Variants in CORIN observed in about 807,000 individuals in gnomAD.
CORIN encodes corin, serine peptidase, also known as atrial natriuretic peptide-converting enzyme.
A neutral mutation model predicts 125.3 loss-of-function variants in CORIN; 117 were observed. The ratio of observed to expected loss-of-function variants is 0.93; its 90% CI spans 0.80 to 1.09. CORIN has a LOEUF of 1.09. CORIN is among the 50% of genes least tolerant of loss of function. CORIN has a pLI of 0.00. For missense variants in CORIN, 1,253 were observed against 1,306.7 expected (o/e 0.96, Z 0.63); for synonymous variants, 450 against 466.4 (o/e 0.96, Z 0.45).
chr4:47,604,486 A>C (rs1721569651), intron 19 of CORIN, among the ~76,000 whole-genome samples: 5 of 152,066 alleles, frequency 3.3e-5, no homozygotes, highest in Admixed American at 2.0e-4. Context: ...TCTATTTAAC[A>C]CTCTCAGTTG....
chr4:47,728,045 G>A (rs1253614296), intron 5 of CORIN, among the ~76,000 whole-genome samples: 1 of 152,098 alleles, frequency 6.6e-6, no homozygotes, highest in African/African-American at 2.4e-5. Context: ...ATAAACATAT[G>A]GATAGAGCAG....
intron 19 of CORIN, among the ~76,000 whole-genome samples, chr4:47,622,268 G>T (rs1177544687): frequency 6.6e-6 from 1 of 151,664 alleles, no homozygotes; most frequent in African/African-American, 2.4e-5. Flanking sequence ...ATTTGGGTTG[G>T]TTCCAAGTCC....
intron 19 of CORIN, among the ~76,000 whole-genome samples, chr4:47,604,254 A>G (rs915328067): frequency 1.3e-5 from 2 of 152,056 alleles, no homozygotes; most frequent in Non-Finnish European, 2.9e-5. Flanking sequence ...TTCCAATCTC[A>G]TGGACCTTTC....
chr4:47,714,404 T>C (rs943328470), intron 5 of CORIN, among the ~76,000 whole-genome samples: 11 of 152,214 alleles, frequency 7.2e-5, no homozygotes, highest in Admixed American at 7.2e-4. Context: ...TAGAAGAGAC[T>C]GGCAATCAAT....
At chr4:47,635,805 C>A (rs1049584534) in intron 16 of CORIN, among the ~76,000 whole-genome samples, 2 of 152,148 alleles carry the variant, frequency 1.3e-5, no homozygotes, top group East Asian at 1.9e-4. Context: ...GAAAAAGACA[C>A]CTTATCAGAA....
At chr4:47,617,379 A>G (rs1414557723) in intron 19 of CORIN, among the ~76,000 whole-genome samples, 1 of 152,228 alleles carries the variant, frequency 6.6e-6, no homozygotes, top group Non-Finnish European at 1.5e-5. Flanking sequence ...AGTAACCACA[A>G]CAATTTAAAA....
intron 4 of CORIN, among the ~76,000 whole-genome samples, chr4:47,755,315 C>T (rs972019209): frequency 6.6e-6 from 1 of 152,130 alleles, no homozygotes; most frequent in Non-Finnish European, 1.5e-5. Context: ...GTATGCTCCC[C>T]CTTCCATCTC....
intron 17 of CORIN, among the ~76,000 whole-genome samples, chr4:47,625,483 G>A (rs1022962967): frequency 6.6e-6 from 1 of 152,044 alleles, no homozygotes; most frequent in African/African-American, 2.4e-5. Flanking sequence ...CAGGTTTGGG[G>A]AAACAAATCA....
At chr4:47,768,027 ATGGCCTGTTCT>A (rs1176435358) in intron 3 of CORIN, among the ~76,000 whole-genome samples, 2 of 152,178 alleles carry the variant, frequency 1.3e-5, no homozygotes, top group Admixed American at 1.3e-4. Context: ...AGAAGTGAAA[ATGGCCTGTTCT>A]TGCCTTAACT....
chr4:47,783,253 A>G (rs186189042), intron 3 of CORIN, among the ~76,000 whole-genome samples: 2 of 152,252 alleles, frequency 1.3e-5, no homozygotes, highest in East Asian at 1.9e-4. Flanking sequence ...AACCTAAAAA[A>G]AGTCCTTGCT....
At chr4:47,620,704 A>G (rs1193874339) in intron 19 of CORIN, among the ~76,000 whole-genome samples, 1 of 152,256 alleles carries the variant, frequency 6.6e-6, no homozygotes, top group Non-Finnish European at 1.5e-5. Flanking sequence ...TTTTAAAAGA[A>G]AAGTTTACCT....
intron 3 of CORIN, among the ~76,000 whole-genome samples, chr4:47,771,864 G>A (rs1008515663): frequency 1.6e-4 from 25 of 152,308 alleles, no homozygotes; most frequent in African/African-American, 3.8e-4. Context: ...TTAAGCCAAT[G>A]TCTTGCTAAG....
rs746160285 is a variant in CORIN, at chr4:47,623,599, C to A, written c.2512G>T (p.Val838Phe). The change falls in exon 19 of 22, where the codon GTT becomes TTT. Residue 838 changes from valine (V) to phenylalanine (F), a missense_variant. Val to Phe is a conservative substitution (Grantham distance 50). Coordinates refer to ENST00000273857, the MANE Select transcript of CORIN (RefSeq NM_006587.4). ...CGCVLIAKKW[V>F]LTVAHCFEGR... is the part of the protein sequence containing the mutation. ...TCGAAGCAGTGGGCAACTGTCAGAA[C>A]CCACTTCTTGGCAATGAGGACACAG... 6.2e-7 allele frequency: 1 copy of A among 1,614,050 alleles called. No individual in the cohort carries two copies. Among genetic ancestry groups the A allele is most frequent in the African/African-American group, 1.3e-5 (1 of 74,914 alleles).
At chr4:47,805,352 T>G (rs28483743) in intron 2 of CORIN, among the ~76,000 whole-genome samples, 11,051 of 151,968 alleles carry the variant, frequency 0.073, 1,377 homozygotes, top group African/African-American at 0.25. Context: ...CACAAACATT[T>G]TTTTTAAAAA....
At chr4:47,652,070 C>A (rs1234010316) in intron 13 of CORIN, among the ~76,000 whole-genome samples, 2 of 152,148 alleles carry the variant, frequency 1.3e-5, no homozygotes, top group Non-Finnish European at 2.9e-5. Context: ...AGTCATAGTT[C>A]AGTGAACAAA....
intron 11 of CORIN, among the ~76,000 whole-genome samples, chr4:47,663,524 T>A (rs1376731681): frequency 6.6e-6 from 1 of 152,132 alleles, no homozygotes; most frequent in Non-Finnish European, 1.5e-5. Flanking sequence ...AAAAGAAATT[T>A]ACCAAAATTT....
At chr4:47,709,272 TTTATTTA>T (rs1408817376) in intron 5 of CORIN, among the ~76,000 whole-genome samples, 9 of 18,518 alleles carry the variant, frequency 4.9e-4, no homozygotes, top group Non-Finnish European at 8.3e-4. Context: ...TTTGCAGTAC[TTTATTTA>T]TTTATTTATT....
chr4:47,663,193 T>C (rs746000638), intron 11 of CORIN, among the ~76,000 whole-genome samples: 13 of 152,136 alleles, frequency 8.5e-5, no homozygotes, highest in Non-Finnish European at 1.5e-4. Context: ...TCATAGTCCT[T>C]GTAGTGTTCA....
chr4:47,831,117 G>A (rs761595952), intron 1 of CORIN, among the ~76,000 whole-genome samples: 2 of 152,204 alleles, frequency 1.3e-5, no homozygotes, highest in Non-Finnish European at 2.9e-5. Context: ...TTTCAGCACT[G>A]ACATTAATGA....
Sources: gnomAD v4.1 joint callset for allele counts (sites outside exome capture counted in the v4.1 genomes callset) on GRCh38, gnomAD v4.1.1 for gene constraint, MANE v1.5 for transcripts, NCBI Gene and HGNC (gene_info 2026-07-23, HGNC 2026-07-21) for gene names.